Variants in C2orf76 observed in about 807,000 individuals in gnomAD.
C2orf76 encodes the protein chromosome 2 open reading frame 76.
Under a neutral mutation model 16.9 loss-of-function variants are expected in C2orf76, and 23 were observed. The observed-to-expected ratio is 1.36, with a 90% CI of 0.98 to 1.93. The LOEUF is 1.93. Among genes scored for constraint, C2orf76 ranks in the 30% most tolerant of loss-of-function variants. The pLI is 0.00. For missense variants in C2orf76, 152 were observed against 152.6 expected (o/e 1.00, Z 0.02); for synonymous variants, 48 against 52.3 (o/e 0.92, Z 0.35).
intron 1 of C2orf76, among the ~76,000 whole-genome samples, chr2:119,342,718 AT>A (rs1680073052): frequency 6.6e-6 from 1 of 152,088 alleles, no homozygotes; most frequent in Non-Finnish European, 1.5e-5. Context: ...TATTAGTAAC[AT>A]TTTATATCTT....
chr2:119,321,104 A>G (rs746457929), intron 3 of C2orf76, 50 bp downstream of exon 3: 1 of 963,644 alleles, frequency 1.0e-6, no homozygotes, highest in Non-Finnish European at 1.5e-6. Flanking sequence ...GTAACAAACT[A>G]ATGCAAAATT....
intron 2 of C2orf76, among the ~76,000 whole-genome samples, chr2:119,339,572 A>C (rs1281552126): frequency 1.6e-5 from 2 of 121,738 alleles, no homozygotes; most frequent in East Asian, 2.1e-4. Flanking sequence ...TATTACTTTT[A>C]ATTAAAAAAA....
intron 2 of C2orf76, among the ~76,000 whole-genome samples, chr2:119,335,253 C>A (rs188524125): frequency 2.6e-5 from 4 of 152,216 alleles, no homozygotes; most frequent in East Asian, 3.9e-4. Flanking sequence ...CTTTAGATAT[C>A]TACCATAGAA....
intron 5 of C2orf76, among the ~76,000 whole-genome samples, chr2:119,309,668 G>A (rs937979334): frequency 5.3e-5 from 8 of 151,876 alleles, no homozygotes; most frequent in African/African-American, 7.3e-5. Context: ...GATCCTCCCC[G>A]CCTTAGCCTC....
intron 5 of C2orf76, 157 bp downstream of exon 5, chr2:119,311,465 A>ATCATTC (rs1678983725): frequency 1.0e-6 from 1 of 985,300 alleles, no homozygotes; most frequent in African/African-American, 1.7e-5. Flanking sequence ...CGGAATGCAC[A>ATCATTC]TCATTCTCAT....
intron 1 of C2orf76, among the ~76,000 whole-genome samples, chr2:119,349,261 T>C (rs1332548158): frequency 6.6e-6 from 1 of 152,244 alleles, no homozygotes; most frequent in Non-Finnish European, 1.5e-5. Flanking sequence ...TTCTGATATA[T>C]GTGTATGCAT....
intron 1 of C2orf76, among the ~76,000 whole-genome samples, chr2:119,365,555 CT>C (rs1439302392): frequency 6.6e-6 from 1 of 152,198 alleles, no homozygotes; most frequent in African/African-American, 2.4e-5. Flanking sequence ...TCTACCTTCC[CT>C]GGGGAGGGGG....
At chr2:119,281,150 T>G in the C2orf76 span, among the ~76,000 whole-genome samples, 1,232 of 152,322 alleles carry the variant, frequency 8.1e-3, 15 homozygotes, top group African/African-American at 0.028. Flanking sequence ...TTTTAGCTTT[T>G]ATTTTAGGTT....
chr2:119,311,167 T>C, intron 5 of C2orf76: 1 of 985,466 alleles, frequency 1.0e-6, no homozygotes, highest in Non-Finnish European at 1.2e-6. Flanking sequence ...ACCAGGTTCC[T>C]ATTTTAAATT....
At chr2:119,366,851 G>A, upstream of C2orf76, 2 of 672,106 alleles carry the variant, frequency 3.0e-6, no homozygotes. Context: ...ACGTGGGCTC[G>A]GGCGGGGCTA....
At chr2:119,362,296 T>C (rs779600746) in intron 1 of C2orf76, among the ~76,000 whole-genome samples, 4 of 152,238 alleles carry the variant, frequency 2.6e-5, no homozygotes, top group Admixed American at 6.5e-5. Flanking sequence ...AGGCTATTAA[T>C]AGTTAAGTTT....
At chr2:119,337,159 G>A (rs1309865928) in intron 2 of C2orf76, among the ~76,000 whole-genome samples, 4 of 151,776 alleles carry the variant, frequency 2.6e-5, no homozygotes, top group African/African-American at 4.8e-5. Flanking sequence ...GGGCTCAAGC[G>A]ATCTTCCCAC....
intron 2 of C2orf76, among the ~76,000 whole-genome samples, chr2:119,322,871 G>A (rs145908331): frequency 6.6e-6 from 1 of 151,726 alleles, no homozygotes; most frequent in African/African-American, 2.4e-5. Context: ...GAGGGCAGGG[G>A]GGTGCTGCAC....
chr2:119,316,850 C>T (rs1679188385), intron 4 of C2orf76, among the ~76,000 whole-genome samples: 1 of 152,018 alleles, frequency 6.6e-6, no homozygotes, highest in Admixed American at 6.5e-5. Flanking sequence ...GTATGATAAA[C>T]AAATCTTTGA....
At chr2:119,361,716 G>A (rs1026890617) in intron 1 of C2orf76, among the ~76,000 whole-genome samples, 5 of 152,022 alleles carry the variant, frequency 3.3e-5, no homozygotes, top group African/African-American at 4.8e-5. Flanking sequence ...CAACCATGTA[G>A]GAAAAAACAT....
the C2orf76 span, among the ~76,000 whole-genome samples, chr2:119,288,938 A>G: frequency 6.6e-6 from 1 of 152,070 alleles, no homozygotes; most frequent in Non-Finnish European, 1.5e-5. Context: ...CAAGCCTTCT[A>G]GCAAAATTTC....
At chr2:119,356,317 G>A (rs1364692000) in intron 1 of C2orf76, among the ~76,000 whole-genome samples, 2 of 150,970 alleles carry the variant, frequency 1.3e-5, no homozygotes, top group Admixed American at 1.3e-4. Context: ...CAGGAGAATC[G>A]CTTGAACCCA....
At chr2:119,281,714 C>T in the C2orf76 span, among the ~76,000 whole-genome samples, 3 of 152,110 alleles carry the variant, frequency 2.0e-5, no homozygotes, top group Middle Eastern at 3.4e-3. Flanking sequence ...TAAATAAAAA[C>T]AAAATAATAT....
At chr2:119,321,065 A>G in intron 3 of C2orf76, 89 bp downstream of exon 3, 1 of 649,628 alleles carries the variant, frequency 1.5e-6, no homozygotes, top group Non-Finnish European at 2.5e-6. Context: ...ATTTACAGAT[A>G]GTCATTTTTG....
Sources: allele counts gnomAD v4.1 joint callset (sites outside exome capture counted in the v4.1 genomes callset), GRCh38; gene constraint gnomAD v4.1.1; transcripts MANE v1.5; gene names NCBI Gene and HGNC (gene_info 2026-07-23, HGNC 2026-07-21).